The following GULP1 variants were observed in gnomAD, a reference collection of about 807,000 sequenced individuals.
GULP1 encodes the protein PTB domain-containing engulfment adapter protein 1.
GULP1 carries 19 observed loss-of-function variants against 40.9 expected under a neutral mutation model. The observed-to-expected ratio is 0.46, with a 90% confidence interval of 0.32 to 0.68. GULP1 has a LOEUF of 0.68. Among genes scored for constraint, GULP1 ranks in the 30% least tolerant of loss-of-function variants. The pLI, the probability that GULP1 is intolerant of heterozygous loss-of-function variation, is 0.03. For missense variants in GULP1, 312 were observed against 362.2 expected (o/e 0.86, Z 1.12); for synonymous variants, 119 against 117.6 (o/e 1.01, Z -0.08).
chr2:188,316,677 T>C (rs566288584), intron 1 of GULP1, among the ~76,000 whole-genome samples: 6 of 152,236 alleles, frequency 3.9e-5, no homozygotes, highest in Non-Finnish European at 7.4e-5. Flanking sequence ...AAATCACAAC[T>C]CCTTGGTATT....
Position 188,595,831 on chromosome 2 carries a change from C to T in GULP1, c.*1820C>T, listed in dbSNP as rs1022408378. The T allele has an allele frequency of 1.3e-5, 2 of 152,102 alleles. No homozygotes were observed. Among genetic ancestry groups the T allele is most frequent in the African/African-American group, 4.8e-5 (2 of 41,366 alleles). 9.4% of individuals were successfully genotyped at this position (152,102 alleles called of 1,614,324 possible). On this transcript the variant is annotated 3_prime_UTR_variant, in exon 12 of 12. Transcript: ENST00000409830. ...TCATTAATTATGAACATTTATTTCT[C>T]CAGTGCGTTTTTATGAAGATCTGGT...
At chr2:188,522,341 C>CT (rs2065871240) in intron 4 of GULP1, among the ~76,000 whole-genome samples, 1 of 151,408 alleles carries the variant, frequency 6.6e-6, no homozygotes, top group Admixed American at 6.6e-5. Flanking sequence ...AAATTGTAAA[C>CT]TTTGAAATTT....
chr2:188,496,114 T>C (rs1426354688), intron 4 of GULP1, among the ~76,000 whole-genome samples: 1 of 152,028 alleles, frequency 6.6e-6, no homozygotes, highest in African/African-American at 2.4e-5. Flanking sequence ...AATTGCTTCC[T>C]AGGAGATTTA....
chr2:188,443,685 C>CTTTTTTT (rs768289502), intron 2 of GULP1, among the ~76,000 whole-genome samples: 1 of 147,134 alleles, frequency 6.8e-6, no homozygotes, highest in Non-Finnish European at 1.5e-5. Flanking sequence ...AAATGAATTT[C>CTTTTTTT]TTTTCTTTTT....
At chr2:188,522,865 A>G (rs1685199283) in intron 5 of GULP1, 38 bp downstream of exon 5, 8 of 1,264,452 alleles carry the variant, frequency 6.3e-6, no homozygotes, top group Non-Finnish European at 9.3e-6. Context: ...AAGTGTATTG[A>G]CTCTGTCATG....
At chr2:188,522,331 A>T (rs2065870024) in intron 4 of GULP1, among the ~76,000 whole-genome samples, 1 of 152,132 alleles carries the variant, frequency 6.6e-6, no homozygotes, top group Non-Finnish European at 1.5e-5. Flanking sequence ...GAAAAAAAAG[A>T]AATTGTAAAC....
rs117468126 is a variant in GULP1 at position 188,328,848 on chromosome 2, C to A, written c.-172+36682C>A. ...TATTCATGATGAATATGAGTATACA[C>A]GATGAATACTTAAACATTTAATACT... On this transcript the variant is annotated intron_variant, in intron 1 of 11. Transcript: ENST00000409830. Among the ~76,000 whole-genome samples, 7 of 152,122 alleles carry A rather than the reference C, an allele frequency of 4.6e-5. No homozygotes were observed. In the East Asian group the frequency reaches 1.4e-3, roughly 29 times the overall value.
At chr2:188,299,279 G>C (rs1001185451) in intron 1 of GULP1, among the ~76,000 whole-genome samples, 2 of 146,626 alleles carry the variant, frequency 1.4e-5, no homozygotes, top group African/African-American at 4.9e-5. Flanking sequence ...TAGAGGCTAG[G>C]AGGGGGTTGT....
Position 188,322,612 on chromosome 2 carries a change from T to C in GULP1, c.-172+30446T>C, listed in dbSNP as rs2040155364. On this transcript the variant is annotated intron_variant, in intron 1 of 11. Coordinates refer to ENST00000409830, the MANE Select transcript of GULP1 (RefSeq NM_016315.4). ...TTCTCACAACACTGCAATTCTTCTC[T>C]ACCTTTGTTATTTCAGCTGTTTTAT... Among the ~76,000 whole-genome samples, 3 of 152,198 alleles carry C rather than the reference T, an allele frequency of 2.0e-5. No individual in the cohort carries two copies. The South Asian group carries it at 6.2e-4, about 31-fold the overall frequency.
At chr2:188,351,183 A>AT (rs950077779) in intron 1 of GULP1, among the ~76,000 whole-genome samples, 2 of 151,956 alleles carry the variant, frequency 1.3e-5, no homozygotes, top group East Asian at 1.9e-4. Context: ...AATTAGAAGT[A>AT]TTTTTTTTAT....
At chr2:188,403,623 G>T (rs1298869654) in intron 2 of GULP1, among the ~76,000 whole-genome samples, 1 of 152,178 alleles carries the variant, frequency 6.6e-6, no homozygotes, top group African/African-American at 2.4e-5. Flanking sequence ...CAAAAAGTAT[G>T]AGATATCCAG....
chr2:188,568,247 C>A (rs1698245882), intron 7 of GULP1, among the ~76,000 whole-genome samples: 1 of 152,066 alleles, frequency 6.6e-6, no homozygotes, highest in African/African-American at 2.4e-5. Flanking sequence ...AGAGTTAAAG[C>A]ATAGCATTTT....
chr2:188,414,216 C>CAAAAA (rs774779119), intron 2 of GULP1, among the ~76,000 whole-genome samples: 1 of 44,648 alleles, frequency 2.2e-5, no homozygotes, highest in Non-Finnish European at 4.4e-5. Flanking sequence ...GACTCCATCT[C>CAAAAA]AAAAAAAAAA....
At chr2:188,568,296 T>C in intron 7 of GULP1, among the ~76,000 whole-genome samples, 1 of 152,128 alleles carries the variant, frequency 6.6e-6, no homozygotes, top group East Asian at 1.9e-4. Context: ...TATCTGGAGG[T>C]CTTACTAAAT....
At chr2:188,482,926 G>A (rs2061551132) in intron 3 of GULP1, among the ~76,000 whole-genome samples, 1 of 151,664 alleles carries the variant, frequency 6.6e-6, no homozygotes, top group African/African-American at 2.4e-5. Context: ...ACAGTAAGTT[G>A]GTTAATTTCA....
chr2:188,561,592 C>T (rs1696291173), intron 7 of GULP1, among the ~76,000 whole-genome samples: 2 of 152,158 alleles, frequency 1.3e-5, no homozygotes, highest in African/African-American at 4.8e-5. Flanking sequence ...GGGGTCTGTG[C>T]TGGGCAGGCT....
intron 2 of GULP1, among the ~76,000 whole-genome samples, chr2:188,456,582 C>G (rs1341889577): frequency 3.3e-5 from 5 of 152,172 alleles, no homozygotes; most frequent in African/African-American, 1.2e-4. Flanking sequence ...TGCCTGGATG[C>G]CCAGGCAAAA....
chr2:188,328,986 A>C (rs895880737), intron 1 of GULP1, among the ~76,000 whole-genome samples: 3 of 152,158 alleles, frequency 2.0e-5, no homozygotes, highest in Non-Finnish European at 4.4e-5. Context: ...AATCACTTGC[A>C]ATGCAAAAGG....
chr2:188,572,462 A>C (rs929488985), intron 9 of GULP1, among the ~76,000 whole-genome samples: 1 of 152,216 alleles, frequency 6.6e-6, no homozygotes, highest in African/African-American at 2.4e-5. Flanking sequence ...TTAAAAACAA[A>C]TCACTTTCTT....
Sources: gnomAD v4.1 joint callset for allele counts (sites outside exome capture counted in the v4.1 genomes callset) on GRCh38, gnomAD v4.1.1 for gene constraint, MANE v1.5 for transcripts, NCBI Gene and HGNC (gene_info 2026-07-23, HGNC 2026-07-21) for gene names.